Variants in DROSHA observed in about 807,000 individuals in gnomAD.
DROSHA encodes drosha ribonuclease III, also known as ribonuclease 3.
A neutral mutation model predicts 181.9 loss-of-function variants in DROSHA; 56 were observed. The observed-to-expected ratio is 0.31, with a 90% CI of 0.25 to 0.38. The LOEUF is 0.38. DROSHA is among the 10% of genes least tolerant of loss of function. DROSHA has a pLI of 1.00. For synonymous variants in DROSHA, 524 were observed against 591.2 expected (o/e 0.89, Z 1.65); for missense variants, 1,218 against 1,743.5 (o/e 0.70, Z 5.37).
chr5:31,423,068 A>T lies in DROSHA; in HGVS notation c.3262-124T>A. ...ATGAGCAGAAATTTCTGAAATGCCAATAAAGCATGGAAGCTCGTTTCTCAT... is the reference window on the plus strand; with the variant it reads ...ATGAGCAGAAATTTCTGAAATGCCATTAAAGCATGGAAGCTCGTTTCTCAT... On this transcript the variant is annotated intron_variant, in intron 28 of 35. Transcript: ENST00000344624. 4 of 887,514 alleles carry T rather than the reference A, an allele frequency of 4.5e-6. No individual in the cohort carries two copies. The South Asian group carries it at 8.3e-5, about 18-fold the overall frequency. 55.0% of individuals were successfully genotyped at this position (887,514 alleles called of 1,614,324 possible). A position where few individuals can be genotyped will look rare whatever the true frequency, so the allele number is the denominator to read the frequency against.
At chr5:31,439,774 G>T (rs1388961310) in intron 23 of DROSHA, among the ~76,000 whole-genome samples, 1 of 152,124 alleles carries the variant, frequency 6.6e-6, no homozygotes, top group Non-Finnish European at 1.5e-5. Flanking sequence ...CTATTTCAAG[G>T]CTGGCTGCTG....
At chr5:31,486,378 T>C in intron 14 of DROSHA, 113 bp downstream of exon 14, 1 of 1,007,160 alleles carries the variant, frequency 9.9e-7, no homozygotes, top group East Asian at 2.4e-5. Context: ...TATGATACTT[T>C]AGAGATATTC....
At chr5:31,436,741 A>AACACACACAC (rs58046266) in intron 24 of DROSHA, among the ~76,000 whole-genome samples, 3 of 137,698 alleles carry the variant, frequency 2.2e-5, no homozygotes, top group Non-Finnish European at 4.7e-5. Flanking sequence ...TCTGGAGAGA[A>AACACACACAC]ACACACACAC....
chr5:31,467,864 A>C, intron 18 of DROSHA, 75 bp downstream of exon 18: 1 of 1,543,696 alleles, frequency 6.5e-7, no homozygotes, highest in Non-Finnish European at 8.8e-7. Context: ...ACATCCACTA[A>C]AGGGTATTTC....
chr5:31,461,824 C>T (rs565792366), intron 20 of DROSHA, among the ~76,000 whole-genome samples: 12 of 151,458 alleles, frequency 7.9e-5, no homozygotes, highest in African/African-American at 1.9e-4. Flanking sequence ...TTGATGAACA[C>T]CTCCAAATTT....
At chr5:31,501,802 G>T (rs1201308978) in intron 11 of DROSHA, among the ~76,000 whole-genome samples, 6 of 152,088 alleles carry the variant, frequency 3.9e-5, no homozygotes, top group Non-Finnish European at 7.4e-5. Flanking sequence ...TTATAGTTTT[G>T]CCCCAGTGCT....
chr5:31,506,807 C>T (rs1738026866), intron 10 of DROSHA, among the ~76,000 whole-genome samples: 1 of 152,110 alleles, frequency 6.6e-6, no homozygotes, highest in African/African-American at 2.4e-5. Context: ...TCCAGGGAAG[C>T]AGAGACATCC....
chr5:31,511,032 C>T lies in DROSHA; in HGVS notation c.1432+3G>A, dbSNP rs762775285. ...CTCAGGCTAGTTAGTGACTCTGACT[C>T]ACCTAAATCTTCATCGAGCTTCGTC... On this transcript the variant is annotated splice_donor_region_variant and intron_variant, in intron 9 of 35. Transcript: ENST00000344624. The T allele has an allele frequency of 5.0e-6, 8 of 1,613,764 alleles. No individual in the cohort carries two copies. The highest frequency in any genetic ancestry group is 1.3e-5 in the African/African-American group (1 of 74,924).
intron 6 of DROSHA, 90 bp from the exon 7 acceptor site, chr5:31,515,654 T>A (rs1209488471): frequency 6.7e-7 from 1 of 1,499,236 alleles, no homozygotes; most frequent in Non-Finnish European, 9.0e-7. Context: ...ATCCTCCACA[T>A]CTGTCTTTGC....
Position 31,511,196 on chromosome 5 carries a change from A to G in DROSHA, c.1291-20T>C. 5.6e-6 allele frequency: 9 copies of G among 1,606,858 alleles called. No individual in the cohort carries two copies. The highest frequency in any genetic ancestry group is 7.7e-6 in the Non-Finnish European group (9 of 1,175,954). ...ATCTCCCTTTTAAAAATAAAGGATC[A>G]ATATTAGGAACTATATCAATAACGA... On this transcript the variant is annotated intron_variant, in intron 8 of 35. Coordinates refer to ENST00000344624, the MANE Select transcript of DROSHA (RefSeq NM_001382508.1).
At chr5:31,524,231 CCT>C (rs1740264328) in intron 5 of DROSHA, among the ~76,000 whole-genome samples, 1 of 152,130 alleles carries the variant, frequency 6.6e-6, no homozygotes, top group Non-Finnish European at 1.5e-5. Flanking sequence ...AGCACTAATC[CCT>C]CTCTTCAGTG....
Position 31,464,304 on chromosome 5 carries a change from G to A in DROSHA, c.2506C>T (p.Arg836Ter). ...CTACTTAGCTCCACCGTTACTTCTCGTCTCATTGTATTCTTCTGCCGTATT... is the reference window on the plus strand; with the variant it reads ...CTACTTAGCTCCACCGTTACTTCTCATCTCATTGTATTCTTCTGCCGTATT... ...QKIRQKNTMR[R>*]EVTVELSSQG... The change falls in exon 20 of 36, where the codon CGA becomes TGA. Residue 836 changes from arginine (R) to a stop codon, truncating the protein, a stop_gained. Transcript: ENST00000344624. LOFTEE classifies it high-confidence loss of function. 1 of 1,613,172 alleles carries A rather than the reference G, an allele frequency of 6.2e-7. No homozygotes were observed. Among genetic ancestry groups the A allele is most frequent in the Non-Finnish European group, 8.5e-7 (1 of 1,179,560 alleles).
At chr5:31,479,427 T>C (rs1282436267) in intron 16 of DROSHA, among the ~76,000 whole-genome samples, 1 of 152,172 alleles carries the variant, frequency 6.6e-6, no homozygotes, top group Admixed American at 6.5e-5. Context: ...GATACCCACG[T>C]TGAAAATACT....
chr5:31,491,373 G>A (rs1277256556), intron 13 of DROSHA, among the ~76,000 whole-genome samples: 1 of 152,140 alleles, frequency 6.6e-6, no homozygotes, highest in African/African-American at 2.4e-5. Context: ...TCTTACAGAT[G>A]AGAAAGCCAA....
intron 20 of DROSHA, among the ~76,000 whole-genome samples, chr5:31,463,028 C>T (rs1748578891): frequency 6.6e-6 from 1 of 152,044 alleles, no homozygotes; most frequent in African/African-American, 2.4e-5. Context: ...ATGATGTCCA[C>T]CTTTGGATGA....
chr5:31,483,647 A>C lies in DROSHA; in HGVS notation c.1997-19T>G. The C allele has an allele frequency of 4.1e-4, 12 of 28,966 alleles. No homozygotes were observed. The highest frequency in any genetic ancestry group is 4.4e-4 in the Non-Finnish European group (11 of 24,908). 1.8% of individuals were successfully genotyped at this position (28,966 alleles called of 1,614,324 possible). A position where few individuals can be genotyped will look rare whatever the true frequency, so the allele number is the denominator to read the frequency against. ...AAAGGACCTGAAGCAAACAAATGAG[A>C]AAAAAAAAAAAAAAAGAAAACTCAG... On this transcript the variant is annotated intron_variant, in intron 15 of 35. Transcript: ENST00000344624.
At chr5:31,528,511 A>G (rs1740857815) in intron 4 of DROSHA, among the ~76,000 whole-genome samples, 1 of 152,166 alleles carries the variant, frequency 6.6e-6, no homozygotes, top group African/African-American at 2.4e-5. Flanking sequence ...CTAAAAATTT[A>G]CTTTAAAATT....
At chr5:31,457,428 G>C (rs1188352298) in intron 20 of DROSHA, among the ~76,000 whole-genome samples, 1 of 152,046 alleles carries the variant, frequency 6.6e-6, no homozygotes, top group Non-Finnish European at 1.5e-5. Context: ...TGCGTAGCCA[G>C]GTCAAGCCAT....
rs115744921 is a variant in DROSHA at position 31,471,540 on chromosome 5, A to T, written c.2241+523T>A. 5.3e-3 allele frequency among the ~76,000 whole-genome samples: 812 copies of T among 152,182 alleles called. 2 individuals are homozygous for T. Among genetic ancestry groups the T allele is most frequent in the Non-Finnish European group, 8.8e-3 (599 of 67,990 alleles). On this transcript the variant is annotated intron_variant, in intron 17 of 35. Coordinates refer to ENST00000344624, the MANE Select transcript of DROSHA (RefSeq NM_001382508.1). Reference sequence around the variant, plus strand: ...CAAAAAACTTAAGTAGCACCCAAAGAAATGTAAAATATTTATAATAATTAT... The same window carrying T: ...CAAAAAACTTAAGTAGCACCCAAAGTAATGTAAAATATTTATAATAATTAT...
Sources: gnomAD v4.1 joint callset for allele counts (sites outside exome capture counted in the v4.1 genomes callset) on GRCh38, gnomAD v4.1.1 for gene constraint, MANE v1.5 for transcripts, NCBI Gene and HGNC (gene_info 2026-07-23, HGNC 2026-07-21) for gene names.